Variants in PSMB1 observed in about 807,000 individuals in gnomAD.
PSMB1 encodes the protein proteasome subunit beta type-1.
A neutral mutation model predicts 25.4 loss-of-function variants in PSMB1; 7 were observed. The observed-to-expected ratio is 0.28, with a 90% CI of 0.16 to 0.52. The LOEUF is 0.52. Among genes scored for constraint, PSMB1 ranks in the 20% least tolerant of loss-of-function variants. The pLI, the probability that PSMB1 is intolerant of heterozygous loss-of-function variation, is 0.97. For missense variants in PSMB1, 284 were observed against 302.2 expected (o/e 0.94, Z 0.45); for synonymous variants, 119 against 115.0 (o/e 1.03, Z -0.22).
chr6:170,552,277 C>T (rs994529632), intron 1 of PSMB1, among the ~76,000 whole-genome samples: 1 of 152,268 alleles, frequency 6.6e-6, no homozygotes, highest in African/African-American at 2.4e-5. Context: ...TTTTAATGTA[C>T]AAGGCTTGAT....
Position 170,546,140 on chromosome 6 carries a change from C to T in PSMB1, c.266G>A (p.Cys89Tyr), listed in dbSNP as rs996587290. The change falls in exon 3 of 6, where the codon TGT (cysteine) becomes TAT (tyrosine). Residue 89 changes from cysteine (C) to tyrosine (Y), a missense_variant. Cys to Tyr is a radical substitution (Grantham distance 194). Coordinates refer to ENST00000262193, the MANE Select transcript of PSMB1 (RefSeq NM_002793.4). Reference protein sequence around the residue: ...VIGCSGFHGDCLTLTKIIEAR... With the variant: ...VIGCSGFHGDYLTLTKIIEAR... ...TTCAATAATCTTTGTCAGCGTAAGACAGTCTCCATGAAAACCGCTGCATCC... is the reference window on the plus strand; with the variant it reads ...TTCAATAATCTTTGTCAGCGTAAGATAGTCTCCATGAAAACCGCTGCATCC... 1.9e-6 allele frequency: 3 copies of T among 1,613,982 alleles called. No homozygotes were observed. Among genetic ancestry groups the T allele is most frequent in the Middle Eastern group, 3.3e-4 (2 of 6,062 alleles).
intron 4 of PSMB1, among the ~76,000 whole-genome samples, chr6:170,542,687 C>T (rs1778771249): frequency 6.6e-6 from 1 of 152,188 alleles, no homozygotes; most frequent in Admixed American, 6.5e-5. Context: ...ACTGATTACC[C>T]TGAGATTTAG....
chr6:170,549,480 A>C, intron 1 of PSMB1: 1 of 170,306 alleles, frequency 5.9e-6, no homozygotes, highest in Non-Finnish European at 1.2e-5. Context: ...CTACAACGCA[A>C]GCTCTATGAG....
At chr6:170,546,057 A>G in intron 3 of PSMB1, 46 bp downstream of exon 3, 1 of 1,482,446 alleles carries the variant, frequency 6.7e-7, no homozygotes, top group South Asian at 1.2e-5. Context: ...AATTTAATGA[A>G]TTACTATTAA....
chr6:170,546,963 A>G (rs1448446039), intron 2 of PSMB1, among the ~76,000 whole-genome samples: 5 of 152,202 alleles, frequency 3.3e-5, no homozygotes, highest in Non-Finnish European at 5.9e-5. Flanking sequence ...AACATAAAGG[A>G]AAGATGGGTA....
At chr6:170,539,632 A>C (rs906195809) in intron 4 of PSMB1, among the ~76,000 whole-genome samples, 3 of 152,210 alleles carry the variant, frequency 2.0e-5, no homozygotes, top group Non-Finnish European at 4.4e-5. Flanking sequence ...AAGGTTATAT[A>C]AAATCGGGTA....
chr6:170,540,932 T>G (rs1462562847), intron 4 of PSMB1, among the ~76,000 whole-genome samples: 1 of 150,782 alleles, frequency 6.6e-6, no homozygotes. Flanking sequence ...TGCAGAGGGG[T>G]AGGGGAGGAG....
intron 1 of PSMB1, among the ~76,000 whole-genome samples, chr6:170,550,746 A>G (rs779242741): frequency 6.6e-6 from 1 of 152,198 alleles, no homozygotes; most frequent in Non-Finnish European, 1.5e-5. Flanking sequence ...ACAAATTTTT[A>G]TATCTACGCA....
intron 1 of PSMB1, among the ~76,000 whole-genome samples, chr6:170,552,820 G>C (rs1005746497): frequency 1.3e-5 from 2 of 152,234 alleles, no homozygotes; most frequent in African/African-American, 2.4e-5. Flanking sequence ...CTACTTTACT[G>C]TCTTACAGCA....
intron 4 of PSMB1, among the ~76,000 whole-genome samples, chr6:170,538,378 G>A (rs1778719231): frequency 6.6e-6 from 1 of 152,164 alleles, no homozygotes; most frequent in Non-Finnish European, 1.5e-5. Flanking sequence ...AACTGCCACT[G>A]TTAGCTTTGT....
In PSMB1 at chr6:170,543,577, T is replaced by C. The variant is rs199906113; in HGVS notation, c.433+24A>G. The C allele has an allele frequency of 9.4e-5, 149 of 1,586,150 alleles. No homozygotes were observed. The East Asian group carries it at 3.3e-3, about 35-fold the overall frequency. On this transcript the variant is annotated intron_variant, in intron 4 of 5. Transcript: ENST00000262193. ...GAATAATAACTCCTCCCCCCCACCA[T>C]TTTCCAGAAAGAAGGAATTCTACCT...
rs955620563 is a variant in PSMB1, at chr6:170,550,414, G to C, written c.114-1301C>G. ...GCTAAAGATTTTGGAATTTTAGCAA[G>C]AAATCATGAAGGTATTCTGAGCAAG... is the stretch of plus-strand genomic sequence containing the variant. On this transcript the variant is annotated intron_variant, in intron 1 of 5. Transcript: ENST00000262193. 2.0e-5 allele frequency: 3 copies of C among 152,214 alleles called. 1 individual carries two copies. In the South Asian group the frequency reaches 6.2e-4, roughly 32 times the overall value. The allele number at this position is 152,214 out of a possible 1,614,324, so 9.4% of individuals were successfully genotyped here. A position where few individuals can be genotyped will look rare whatever the true frequency, so the allele number is the denominator to read the frequency against.
At chr6:170,549,759 G>A (rs748194157) in intron 1 of PSMB1, 1 of 152,222 alleles carries the variant, frequency 6.6e-6, no homozygotes, top group African/African-American at 2.4e-5. Flanking sequence ...ACTTCTCAAA[G>A]CGTCAATTTC....
intron 4 of PSMB1, among the ~76,000 whole-genome samples, chr6:170,541,540 T>C (rs541839911): frequency 6.6e-6 from 1 of 152,060 alleles, no homozygotes; most frequent in Non-Finnish European, 1.5e-5. Flanking sequence ...GCAGTACAAA[T>C]ACAGAGTTTT....
In PSMB1 at chr6:170,549,132, A is replaced by G; in HGVS notation, c.114-19T>C. ...TATAGTACTGAGGAAAAAAGAAAAA[A>G]ATTAATTCTCCAGGGTGGTAATCCT... On this transcript the variant is annotated intron_variant, in intron 1 of 5. Coordinates refer to ENST00000262193, the MANE Select transcript of PSMB1 (RefSeq NM_002793.4). 1 of 1,471,014 alleles carries G rather than the reference A, an allele frequency of 6.8e-7. No homozygotes were observed. Among genetic ancestry groups the G allele is most frequent in the Admixed American group, 1.7e-5 (1 of 59,624 alleles). 91.1% of individuals were successfully genotyped at this position (1,471,014 alleles called of 1,614,324 possible).
chr6:170,539,307 T>A (rs1778730546), intron 4 of PSMB1, among the ~76,000 whole-genome samples: 1 of 152,262 alleles, frequency 6.6e-6, no homozygotes, highest in South Asian at 2.1e-4. Context: ...GATTGACAGA[T>A]TAGACTGTAT....
intron 1 of PSMB1, among the ~76,000 whole-genome samples, chr6:170,551,977 A>T (rs918569248): frequency 2.6e-5 from 4 of 152,234 alleles, no homozygotes; most frequent in African/African-American, 9.6e-5. Context: ...TAGTGGCAGA[A>T]CCAAGGCTAA....
chr6:170,546,620 C>T (rs1778823696), intron 2 of PSMB1, among the ~76,000 whole-genome samples: 1 of 152,172 alleles, frequency 6.6e-6, no homozygotes, highest in Non-Finnish European at 1.5e-5. Flanking sequence ...CACCCGCCAC[C>T]ACACCCAGCT....
intron 4 of PSMB1, among the ~76,000 whole-genome samples, chr6:170,543,131 T>A (rs1778775767): frequency 6.6e-6 from 1 of 152,184 alleles, no homozygotes; most frequent in South Asian, 2.1e-4. Context: ...TCTCAGGGAA[T>A]CCTGGTCTGA....
Sources: gnomAD v4.1 joint callset for allele counts (sites outside exome capture counted in the v4.1 genomes callset) on GRCh38, gnomAD v4.1.1 for gene constraint, MANE v1.5 for transcripts, NCBI Gene and HGNC (gene_info 2026-07-23, HGNC 2026-07-21) for gene names.